Variants in ZC3H14 observed in about 807,000 individuals in gnomAD.
ZC3H14 encodes zinc finger CCCH-type containing 14.
ZC3H14 carries 31 observed loss-of-function variants against 92.4 expected under a neutral mutation model. The ratio of observed to expected loss-of-function variants is 0.34; its 90% CI spans 0.25 to 0.45. ZC3H14 has a LOEUF of 0.45. Ranked by LOEUF, ZC3H14 falls within the 20% of genes least tolerant of loss-of-function variation. The pLI is 1.00. For synonymous variants in ZC3H14, 321 were observed against 300.9 expected (o/e 1.07, Z -0.69); for missense variants, 781 against 897.3 (o/e 0.87, Z 1.66).
chr14:88,607,234 C>T lies in ZC3H14; in HGVS notation c.1748-9C>T. On this transcript the variant is annotated splice_polypyrimidine_tract_variant and intron_variant, in intron 12 of 16. Coordinates refer to ENST00000251038, the MANE Select transcript of ZC3H14 (RefSeq NM_024824.5). Reference sequence around the variant, plus strand: ...GAATGAAATACTTTTATTTCCTTTCCCTTTGTAGCTGAGATGAGTGAACTG... The same window carrying T: ...GAATGAAATACTTTTATTTCCTTTCTCTTTGTAGCTGAGATGAGTGAACTG... 6.2e-7 allele frequency: 1 copy of T among 1,613,970 alleles called. No homozygotes were observed. The highest frequency in any genetic ancestry group is 1.3e-5 in the African/African-American group (1 of 74,980).
At position 88,603,017 on chromosome 14, in the gene ZC3H14, G is replaced by A. The variant is rs200973470; in HGVS notation, c.1704G>A (p.Leu568=). 6 of 1,614,080 alleles carry A rather than the reference G, an allele frequency of 3.7e-6. No individual in the cohort carries two copies. The highest frequency in any genetic ancestry group is 3.3e-5 in the Admixed American group (2 of 60,002). ...TCCTCCACCCACAGCAGTTGCACTTGCTGAGCAGGCAGCTTGAGGACCCAA... is the reference window on the plus strand; with the variant it reads ...TCCTCCACCCACAGCAGTTGCACTTACTGAGCAGGCAGCTTGAGGACCCAA... ...RGLLHPQQLH[L]LSRQLEDPNG... Residue 568 remains leucine, a synonymous_variant, in exon 12 of 17, where the codon TTG becomes TTA. Coordinates refer to ENST00000251038, the MANE Select transcript of ZC3H14 (RefSeq NM_024824.5).
At chr14:88,577,573 TC>T (rs2081332643) in intron 8 of ZC3H14, among the ~76,000 whole-genome samples, 1 of 152,036 alleles carries the variant, frequency 6.6e-6, no homozygotes, top group Non-Finnish European at 1.5e-5. Context: ...CTTTTCTTTT[TC>T]TTTTTTTTTT....
chr14:88,617,689 ACTT>A lies in ZC3H14; in HGVS notation c.*5941_*5943del, dbSNP rs1210936920. On this transcript the variant is annotated 3_prime_UTR_variant, in exon 17 of 17. Transcript: ENST00000251038. ...CTATGTTGCCCAGGCTGGTATCAAAACTTCTAGGCTCAAGTGATCCTCCCACCT... is the reference window on the plus strand; with the variant it reads ...CTATGTTGCCCAGGCTGGTATCAAAACTAGGCTCAAGTGATCCTCCCACCT... The A allele has an allele frequency of 6.6e-6, 1 of 152,276 alleles. No homozygotes were observed. The highest frequency in any genetic ancestry group is 2.4e-5 in the African/African-American group (1 of 41,448). 9.4% of individuals were successfully genotyped at this position (152,276 alleles called of 1,614,324 possible). A position where few individuals can be genotyped will look rare whatever the true frequency, so the allele number is the denominator to read the frequency against.
chr14:88,573,634 G>A, intron 6 of ZC3H14: 1 of 152,126 alleles, frequency 6.6e-6, no homozygotes, highest in Non-Finnish European at 1.5e-5. Flanking sequence ...TCACCGTGTT[G>A]GCCAGGCTGG....
At chr14:88,578,781 G>GTTTTTTTTTTTTTTTTTTTTT (rs35101368) in intron 9 of ZC3H14, among the ~76,000 whole-genome samples, 3 of 76,820 alleles carry the variant, frequency 3.9e-5, no homozygotes, top group African/African-American at 5.4e-5. Flanking sequence ...TTGCTTCCAG[G>GTTTTTTTTTTTTTTTTTTTTT]TTTTTTTTTT....
rs1488605248 is a variant in ZC3H14 at position 88,623,152 on chromosome 14, A to G, written c.*11401A>G. 6.6e-6 allele frequency: 1 copy of G among 152,212 alleles called. No homozygotes were observed. Among genetic ancestry groups the G allele is most frequent in the Admixed American group, 6.6e-5 (1 of 15,200 alleles). 9.4% of individuals were successfully genotyped at this position (152,212 alleles called of 1,614,324 possible). A position where few individuals can be genotyped will look rare whatever the true frequency, so the allele number is the denominator to read the frequency against. Reference sequence around the variant, plus strand: ...TACCTCAGCCTCCCGAGTAGCTAGCATTACAGGTGTGCACCACCACACCCA... The same window carrying G: ...TACCTCAGCCTCCCGAGTAGCTAGCGTTACAGGTGTGCACCACCACACCCA... On this transcript the variant is annotated 3_prime_UTR_variant, in exon 17 of 17. Transcript: ENST00000251038.
intron 10 of ZC3H14, among the ~76,000 whole-genome samples, chr14:88,601,216 A>G (rs994402761): frequency 6.6e-6 from 1 of 152,168 alleles, no homozygotes; most frequent in South Asian, 2.1e-4. Flanking sequence ...ATGAACATAA[A>G]TGAATACCCT....
chr14:88,594,854 T>C, intron 9 of ZC3H14: 2 of 1,614,048 alleles, frequency 1.2e-6, no homozygotes, highest in Non-Finnish European at 1.7e-6. Flanking sequence ...TCCCACCTTT[T>C]AAGGAAAATA....
At chr14:88,609,024 G>A in intron 13 of ZC3H14, 2 of 509,236 alleles carry the variant, frequency 3.9e-6, no homozygotes, top group East Asian at 3.6e-5. Context: ...TATCACAAAA[G>A]CTTGTCTTTC....
chr14:88,616,948 T>C lies in ZC3H14; in HGVS notation c.*5197T>C. 6.7e-7 allele frequency: 1 copy of C among 1,490,078 alleles called. No homozygotes were observed. The highest frequency in any genetic ancestry group is 1.2e-5 in the South Asian group (1 of 80,094). 92.3% of individuals were successfully genotyped at this position (1,490,078 alleles called of 1,614,324 possible). ...GCAGGTTGACTATATTCAAAAAGTT[T>C]CTTGGCAATTAATCTCTAAGTACCC... On this transcript the variant is annotated 3_prime_UTR_variant, in exon 17 of 17. Coordinates refer to ENST00000251038, the MANE Select transcript of ZC3H14 (RefSeq NM_024824.5).
At chr14:88,570,086 A>G (rs1400933040) in intron 3 of ZC3H14, among the ~76,000 whole-genome samples, 2 of 152,206 alleles carry the variant, frequency 1.3e-5, no homozygotes, top group East Asian at 1.9e-4. Context: ...AAAACAGACT[A>G]CCAAATGAAT....
intron 3 of ZC3H14, among the ~76,000 whole-genome samples, chr14:88,570,084 C>T (rs1031853515): frequency 1.3e-5 from 2 of 152,138 alleles, no homozygotes; most frequent in Admixed American, 6.5e-5. Context: ...TTAAAACAGA[C>T]TACCAAATGA....
intron 9 of ZC3H14, chr14:88,594,727 A>G (rs780657696): frequency 6.8e-6 from 11 of 1,613,900 alleles, no homozygotes; most frequent in Middle Eastern, 1.6e-4. Context: ...TGTCACCTTT[A>G]TGAGAATGTC....
rs922944357 is a variant in ZC3H14 at position 88,614,345 on chromosome 14, T to C, written c.*2594T>C. The stretch of plus-strand genomic sequence containing the variant: ...TTACGTTTCAAGCTTCTTAGCCCCA[T>C]AATCAGTCCTTCAGCCACAGCTATT... On this transcript the variant is annotated 3_prime_UTR_variant, in exon 17 of 17. Transcript: ENST00000251038. The C allele has an allele frequency of 6.6e-6, 1 of 152,222 alleles. No individual in the cohort carries two copies. The highest frequency in any genetic ancestry group is 1.5e-5 in the Non-Finnish European group (1 of 68,042). The allele number at this position is 152,222 out of a possible 1,614,324, so 9.4% of individuals were successfully genotyped here.
chr14:88,615,844 A>G lies in ZC3H14; in HGVS notation c.*4093A>G. On this transcript the variant is annotated 3_prime_UTR_variant, in exon 17 of 17. Transcript: ENST00000251038. ...CAGTGAGGTGTATGTACACATTTCC[A>G]GACAAATAAGCTGCAATCAGAGAAG... 6.2e-7 allele frequency: 1 copy of G among 1,611,668 alleles called. No individual in the cohort carries two copies. The highest frequency in any genetic ancestry group is 8.5e-7 in the Non-Finnish European group (1 of 1,178,920).
chr14:88,567,711 T>C (rs1278777995), intron 2 of ZC3H14: 5 of 356,742 alleles, frequency 1.4e-5, no homozygotes, highest in Non-Finnish European at 2.2e-5. Flanking sequence ...TCTTGGGGAA[T>C]GTTCAAATAT....
intron 9 of ZC3H14, 49 bp from the exon 10 acceptor site, chr14:88,596,685 G>A (rs187792609): frequency 2.0e-6 from 3 of 1,509,738 alleles, no homozygotes; most frequent in Non-Finnish European, 2.8e-6. Flanking sequence ...CCACATGCTG[G>A]TATTGTCTGT....
chr14:88,584,181 C>T (rs2082226756), intron 9 of ZC3H14, among the ~76,000 whole-genome samples: 1 of 152,072 alleles, frequency 6.6e-6, no homozygotes, highest in African/African-American at 2.4e-5. Flanking sequence ...CTCTCTCATG[C>T]TTTAGGTATA....
intron 9 of ZC3H14, chr14:88,591,397 C>G (rs1004910108): frequency 6.6e-6 from 1 of 152,250 alleles, no homozygotes; most frequent in African/African-American, 2.4e-5. Context: ...AAGATTGCGC[C>G]ACTCCACTGT....
Sources: gnomAD v4.1 joint callset for allele counts (sites outside exome capture counted in the v4.1 genomes callset) on GRCh38, gnomAD v4.1.1 for gene constraint, MANE v1.5 for transcripts, NCBI Gene and HGNC (gene_info 2026-07-23, HGNC 2026-07-21) for gene names.